MTX2: variants seen among roughly 807,000 people sequenced by gnomAD.
MTX2 encodes metaxin-2.
A neutral mutation model predicts 42.3 loss-of-function variants in MTX2; 35 were observed. The ratio of observed to expected loss-of-function variants is 0.83; its 90% confidence interval spans 0.63 to 1.10. The LOEUF is 1.10. MTX2 is among the 50% of genes least tolerant of loss of function. The pLI, the probability that MTX2 is intolerant of heterozygous loss-of-function variation, is 0.00. For missense variants in MTX2, 307 were observed against 304.1 expected (o/e 1.01, Z -0.07); for synonymous variants, 119 against 100.9 (o/e 1.18, Z -1.08).
chr2:176,308,923 C>T (rs534391940), intron 3 of MTX2, among the ~76,000 whole-genome samples: 139 of 152,156 alleles, frequency 9.1e-4, no homozygotes, highest in African/African-American at 3.2e-3. Context: ...TTATTTCTTG[C>T]CTTCTGCTAG....
At chr2:176,289,921 T>C (rs1274794168) in intron 1 of MTX2, among the ~76,000 whole-genome samples, 1 of 152,130 alleles carries the variant, frequency 6.6e-6, no homozygotes, top group African/African-American at 2.4e-5. Context: ...AGCCAAGTTT[T>C]TAATAACCTT....
At chr2:176,334,790 G>A (rs746616700) in intron 9 of MTX2, among the ~76,000 whole-genome samples, 1 of 151,956 alleles carries the variant, frequency 6.6e-6, no homozygotes, top group Non-Finnish European at 1.5e-5. Context: ...ACTGTGCTAA[G>A]AACTGGGAAT....
At chr2:176,299,130 A>G (rs1363060719) in intron 3 of MTX2, among the ~76,000 whole-genome samples, 1 of 152,096 alleles carries the variant, frequency 6.6e-6, no homozygotes, top group South Asian at 2.1e-4. Context: ...GTGACATTTG[A>G]CAATATTTAA....
Position 176,330,697 on chromosome 2 carries a change from A to G in MTX2, c.620+37A>G, listed in dbSNP as rs764011952. ...TACTTTTTTAAAGTTAATTTTCTGT[A>G]CTGTTAGGTTGCAAATTTCTTTTTT... On this transcript the variant is annotated intron_variant, in intron 9 of 9. Coordinates refer to ENST00000249442, the MANE Select transcript of MTX2 (RefSeq NM_006554.5). 3 of 1,377,006 alleles carry G rather than the reference A, an allele frequency of 2.2e-6. No individual in the cohort carries two copies. In the Admixed American group the frequency reaches 6.2e-5, roughly 29 times the overall value. 85.3% of individuals were successfully genotyped at this position (1,377,006 alleles called of 1,614,324 possible). A position where few individuals can be genotyped will look rare whatever the true frequency, so the allele number is the denominator to read the frequency against.
At position 176,269,486 on chromosome 2, in the gene MTX2, C is replaced by T. The variant is rs1487991899; in HGVS notation, c.-144C>T. On this transcript the variant is annotated 5_prime_UTR_variant, in exon 1 of 10. Transcript: ENST00000249442. ...GGTAACCTTGGGGGCCTCACTGCAG[C>T]CGCCGCTGCTGTTGGAGTGGGCTTT... The T allele has an allele frequency of 7.6e-6, 7 of 921,324 alleles. No individual in the cohort carries two copies. The highest frequency in any genetic ancestry group is 1.1e-5 in the Non-Finnish European group (7 of 648,846). 57.1% of individuals were successfully genotyped at this position (921,324 alleles called of 1,614,324 possible). A position where few individuals can be genotyped will look rare whatever the true frequency, so the allele number is the denominator to read the frequency against.
chr2:176,322,467 C>T (rs751428554), intron 3 of MTX2, among the ~76,000 whole-genome samples: 28 of 151,980 alleles, frequency 1.8e-4, no homozygotes, highest in Admixed American at 6.6e-4. Flanking sequence ...ACCATTGTAA[C>T]TTATGACCTC....
At chr2:176,300,095 A>G (rs1683985306) in intron 3 of MTX2, among the ~76,000 whole-genome samples, 2 of 151,990 alleles carry the variant, frequency 1.3e-5, no homozygotes, top group South Asian at 4.2e-4. Flanking sequence ...CTTGAGCCGA[A>G]TGTGTATATA....
intron 3 of MTX2, among the ~76,000 whole-genome samples, chr2:176,311,205 G>A (rs1383671888): frequency 6.6e-6 from 1 of 152,172 alleles, no homozygotes; most frequent in Non-Finnish European, 1.5e-5. Flanking sequence ...TCCAGACCCT[G>A]TTTGCCTGGG....
At position 176,269,598 on chromosome 2, in the gene MTX2, C is replaced by T. The variant is rs907803736; in HGVS notation, c.-32C>T. Reference sequence around the variant, plus strand: ...GGAGGACGCTGAGGCCCGTGGGGGGCAGGCACCCGGGCGCCGGGCCTCCCA... The same window carrying T: ...GGAGGACGCTGAGGCCCGTGGGGGGTAGGCACCCGGGCGCCGGGCCTCCCA... On this transcript the variant is annotated 5_prime_UTR_variant, in exon 1 of 10. Coordinates refer to ENST00000249442, the MANE Select transcript of MTX2 (RefSeq NM_006554.5). The T allele has an allele frequency of 1.9e-6, 3 of 1,567,654 alleles. No homozygotes were observed. The highest frequency in any genetic ancestry group is 2.3e-5 in the South Asian group (2 of 85,590).
chr2:176,295,304 A>G (rs988857455), intron 1 of MTX2, among the ~76,000 whole-genome samples: 1 of 152,162 alleles, frequency 6.6e-6, no homozygotes, highest in African/African-American at 2.4e-5. Flanking sequence ...TTTAGTATAG[A>G]TGTAAGCAAT....
At chr2:176,327,195 A>G (rs1297448262) in intron 5 of MTX2, among the ~76,000 whole-genome samples, 1 of 151,280 alleles carries the variant, frequency 6.6e-6, no homozygotes, top group Non-Finnish European at 1.5e-5. Context: ...TATGCTTACT[A>G]CAACTGTGGT....
intron 1 of MTX2, among the ~76,000 whole-genome samples, chr2:176,281,290 C>T (rs1693072472): frequency 1.3e-5 from 2 of 152,232 alleles, no homozygotes; most frequent in South Asian, 2.1e-4. Flanking sequence ...GCTGAAAAGA[C>T]TCAAAGGCTG....
intron 3 of MTX2, among the ~76,000 whole-genome samples, chr2:176,308,217 G>A (rs112449713): frequency 7.2e-5 from 11 of 152,268 alleles, no homozygotes; most frequent in African/African-American, 2.2e-4. Context: ...ATTTGCGTAT[G>A]TTGAACCAGC....
chr2:176,329,871 A>G (rs1226721066), intron 8 of MTX2, among the ~76,000 whole-genome samples: 1 of 132,920 alleles, frequency 7.5e-6, no homozygotes, highest in Non-Finnish European at 1.7e-5. Context: ...TGTTAAATAC[A>G]GTACTTTGTC....
chr2:176,324,498 T>G (rs1378443845), intron 4 of MTX2, among the ~76,000 whole-genome samples: 1 of 151,678 alleles, frequency 6.6e-6, no homozygotes, highest in African/African-American at 2.4e-5. Context: ...TTTGTGTTGG[T>G]TTTATACGTA....
intron 7 of MTX2, 37 bp downstream of exon 7, chr2:176,328,949 T>C (rs751413520): frequency 6.4e-7 from 1 of 1,558,192 alleles, no homozygotes; most frequent in South Asian, 1.1e-5. Context: ...AATTAAAATT[T>C]AATGAGAAAA....
intron 4 of MTX2, among the ~76,000 whole-genome samples, chr2:176,325,069 A>G (rs574003684): frequency 8.0e-4 from 121 of 151,762 alleles, no homozygotes; most frequent in African/African-American, 2.8e-3. Flanking sequence ...CATATTAACT[A>G]TTTCCTTGAG....
At chr2:176,337,196 C>A (rs1685010927) in intron 9 of MTX2, among the ~76,000 whole-genome samples, 1 of 152,082 alleles carries the variant, frequency 6.6e-6, no homozygotes, top group African/African-American at 2.4e-5. Flanking sequence ...CAAGCACCAC[C>A]ATGCCTGGCT....
chr2:176,293,235 T>A (rs766064289), intron 1 of MTX2, among the ~76,000 whole-genome samples: 7 of 152,172 alleles, frequency 4.6e-5, no homozygotes, highest in Admixed American at 1.3e-4. Flanking sequence ...AAATGATCAG[T>A]CTTAAGAAAA....
Sources: allele counts gnomAD v4.1 joint callset (sites outside exome capture counted in the v4.1 genomes callset), GRCh38; gene constraint gnomAD v4.1.1; transcripts MANE v1.5; gene names NCBI Gene and HGNC (gene_info 2026-07-23, HGNC 2026-07-21).